The following PPM1E variants were observed in gnomAD, a reference collection of about 807,000 sequenced individuals.
PPM1E encodes the protein protein phosphatase 1E.
In PPM1E, 20 loss-of-function variants were observed where a neutral mutation model predicts 65.9. The observed-to-expected ratio is 0.30, with a 90% CI of 0.21 to 0.44. The LOEUF (loss-of-function observed/expected upper bound fraction) is 0.44. Among genes scored for constraint, PPM1E ranks in the 20% least tolerant of loss-of-function variants. The pLI is 1.00. For missense variants in PPM1E, 713 were observed against 953.1 expected (o/e 0.75, Z 3.32); for synonymous variants, 352 against 374.9 (o/e 0.94, Z 0.70).
intron 1 of PPM1E, among the ~76,000 whole-genome samples, chr17:58,853,549 T>C (rs1212786430): frequency 6.6e-6 from 1 of 152,156 alleles, no homozygotes; most frequent in Admixed American, 6.6e-5. Flanking sequence ...AAAGTGTGGC[T>C]GGGCTTGGTG....
intron 1 of PPM1E, among the ~76,000 whole-genome samples, chr17:58,895,906 C>T (rs2143448857): frequency 6.7e-6 from 1 of 149,866 alleles, no homozygotes; most frequent in Admixed American, 6.7e-5. Context: ...GAGATCGAGA[C>T]CATCCTAGCT....
chr17:58,891,761 C>T (rs749828761), intron 1 of PPM1E, among the ~76,000 whole-genome samples: 2 of 149,558 alleles, frequency 1.3e-5, no homozygotes, highest in African/African-American at 2.5e-5. Flanking sequence ...TGAAGCTGCT[C>T]TATTTGGAAA....
At chr17:58,810,948 C>G (rs1436809427) in intron 1 of PPM1E, among the ~76,000 whole-genome samples, 2 of 152,062 alleles carry the variant, frequency 1.3e-5, no homozygotes, top group Middle Eastern at 3.4e-3. Context: ...ACTTCCACCT[C>G]CCGGGTTCAA....
At position 58,980,298 on chromosome 17, in the gene PPM1E, A is replaced by G. The variant is rs2031279974; in HGVS notation, c.1535A>G (p.Gln512Arg). 6.2e-7 allele frequency: 1 copy of G among 1,614,050 alleles called. No individual in the cohort carries two copies. The highest frequency in any genetic ancestry group is 8.5e-7 in the Non-Finnish European group (1 of 1,180,040). ...ACAGAGAACTCTTTTCAAGGAGGGC[A>G]AGAAGATGGTGGGGATGATAAGGAG... is the stretch of plus-strand genomic sequence containing the variant. ...DWTENSFQGG[Q>R]EDGGDDKENH... The change falls in exon 7 of 7, where the codon CAA becomes CGA. Residue 512 changes from glutamine (Q) to arginine (R), a missense_variant. By Grantham distance (43) the Gln-to-Arg change is conservative. Around this residue, in one of 6 missense-constraint regions of PPM1E, gnomAD observed 286 missense variants for 313.8 expected, o/e 0.91. Transcript: ENST00000308249. The surrounding 1 kb of genome is among the most constrained non-coding windows in gnomAD (Gnocchi z 4.7).
At chr17:58,914,365 C>T (rs984598064) in intron 1 of PPM1E, among the ~76,000 whole-genome samples, 2 of 152,178 alleles carry the variant, frequency 1.3e-5, no homozygotes, top group Non-Finnish European at 2.9e-5. Context: ...TACATTGCAT[C>T]ACGTTTATTT....
At chr17:58,778,555 A>T (rs1367897305) in intron 1 of PPM1E, among the ~76,000 whole-genome samples, 1 of 151,070 alleles carries the variant, frequency 6.6e-6, no homozygotes, top group Non-Finnish European at 1.5e-5. Flanking sequence ...GACTACAGGC[A>T]TGTGCCACCA....
In PPM1E at chr17:58,827,044, A is replaced by G. The variant is rs192010624; in HGVS notation, c.464+70583A>G. On this transcript the variant is annotated intron_variant, in intron 1 of 6. Coordinates refer to ENST00000308249, the MANE Select transcript of PPM1E (RefSeq NM_014906.5). ...CTCGGTCTTCTTTGTAATAAGTTGC[A>G]TGCTTATTTAGATCTGCTGGCTAGG... Among the ~76,000 whole-genome samples, 44 of 151,594 alleles carry G rather than the reference A, an allele frequency of 2.9e-4. 1 individual carries two copies. The East Asian group carries it at 7.6e-3, about 26-fold the overall frequency.
At chr17:58,840,193 C>A (rs899188084) in intron 1 of PPM1E, among the ~76,000 whole-genome samples, 1 of 152,156 alleles carries the variant, frequency 6.6e-6, no homozygotes, top group African/African-American at 2.4e-5. Context: ...TGTGACGACA[C>A]GCTAGAAGTA....
At chr17:58,909,860 C>T (rs2051602745) in intron 1 of PPM1E, among the ~76,000 whole-genome samples, 1 of 150,550 alleles carries the variant, frequency 6.6e-6, no homozygotes, top group African/African-American at 2.4e-5. Context: ...GGTGCCAAGA[C>T]ATTACCTTGG....
chr17:58,805,871 C>T (rs184202561), intron 1 of PPM1E, among the ~76,000 whole-genome samples: 16 of 144,542 alleles, frequency 1.1e-4, no homozygotes, highest in African/African-American at 4.1e-4. Context: ...AATAGGAAGC[C>T]TAAAATGTAT....
intron 1 of PPM1E, among the ~76,000 whole-genome samples, chr17:58,857,847 T>A (rs1484764993): frequency 6.6e-6 from 1 of 152,124 alleles, no homozygotes; most frequent in Non-Finnish European, 1.5e-5. Context: ...TTTTAATAAT[T>A]TCAGGAAGCT....
intron 1 of PPM1E, among the ~76,000 whole-genome samples, chr17:58,771,267 T>C (rs897281633): frequency 2.6e-5 from 4 of 152,084 alleles, no homozygotes; most frequent in African/African-American, 9.7e-5. Context: ...CATGCATATA[T>C]GATCAGCCAT....
intron 1 of PPM1E, among the ~76,000 whole-genome samples, chr17:58,908,633 T>G (rs1485435739): frequency 6.6e-6 from 1 of 151,684 alleles, no homozygotes; most frequent in South Asian, 2.1e-4. Flanking sequence ...AGAGATGGGG[T>G]TTCGCCATGT....
intron 1 of PPM1E, among the ~76,000 whole-genome samples, chr17:58,916,286 A>T (rs1326750410): frequency 6.6e-6 from 1 of 152,250 alleles, no homozygotes; most frequent in African/African-American, 2.4e-5. Context: ...TGTCTAGCAC[A>T]TAATAAATTT....
chr17:58,774,616 G>A (rs1032020988), intron 1 of PPM1E, among the ~76,000 whole-genome samples: 2 of 152,046 alleles, frequency 1.3e-5, no homozygotes, highest in Non-Finnish European at 2.9e-5. Flanking sequence ...TAATAGTACT[G>A]TCAGAAATAC....
chr17:58,909,921 TTTC>T (rs1195191985), intron 1 of PPM1E, among the ~76,000 whole-genome samples: 4 of 118,552 alleles, frequency 3.4e-5, no homozygotes, highest in Admixed American at 8.7e-5. Context: ...CTTTTTTCTT[TTTC>T]TTTTTTTTTT....
At chr17:58,882,662 A>G (rs988582023) in intron 1 of PPM1E, among the ~76,000 whole-genome samples, 14 of 152,038 alleles carry the variant, frequency 9.2e-5, no homozygotes, top group Non-Finnish European at 1.9e-4. Context: ...AAGTGCTGGG[A>G]TTACAGGTGT....
At chr17:58,879,747 GA>G in intron 1 of PPM1E, among the ~76,000 whole-genome samples, 1 of 151,990 alleles carries the variant, frequency 6.6e-6, no homozygotes, top group African/African-American at 2.4e-5. Flanking sequence ...CTGACCTCGT[GA>G]TCCACCCGCC....
intron 1 of PPM1E, among the ~76,000 whole-genome samples, chr17:58,887,202 T>TC (rs1451359950): frequency 4.8e-5 from 7 of 144,690 alleles, no homozygotes; most frequent in African/African-American, 1.8e-4. Flanking sequence ...TCTCACTGTG[T>TC]CGCCCAGGCT....
Sources: allele counts gnomAD v4.1 joint callset (sites outside exome capture counted in the v4.1 genomes callset), GRCh38; gene constraint gnomAD v4.1.1; regional missense constraint gnomAD v4.1.1; non-coding constraint Gnocchi (gnomAD v3.1); transcripts MANE v1.5; gene names NCBI Gene and HGNC (gene_info 2026-07-23, HGNC 2026-07-21).